The following SYN3 variants were observed in gnomAD, a reference collection of about 807,000 sequenced individuals.
The protein encoded by SYN3 is synapsin-3.
In SYN3, 35 loss-of-function variants were observed where a neutral mutation model predicts 65.8. The ratio of observed to expected loss-of-function variants is 0.53; its 90% CI spans 0.41 to 0.70. The LOEUF (loss-of-function observed/expected upper bound fraction) is 0.70. Among genes scored for constraint, SYN3 ranks in the 30% least tolerant of loss-of-function variants. The probability of loss-of-function intolerance (pLI) is 0.00; values close to 1 mark genes in which losing one functional copy is unlikely to be tolerated. For synonymous variants in SYN3, 270 were observed against 292.9 expected (o/e 0.92, Z 0.80); for missense variants, 680 against 749.0 (o/e 0.91, Z 1.08).
chr22:32,971,253 G>A (rs966104532), intron 3 of SYN3, among the ~76,000 whole-genome samples: 1 of 152,286 alleles, frequency 6.6e-6, no homozygotes, highest in African/African-American at 2.4e-5. Flanking sequence ...CTTCTCTAAT[G>A]AGTTATGTTT....
intron 3 of SYN3, among the ~76,000 whole-genome samples, chr22:32,948,455 G>A (rs1307457217): frequency 1.3e-5 from 2 of 152,118 alleles, no homozygotes; most frequent in East Asian, 1.9e-4. Flanking sequence ...AATCTCTTTG[G>A]GCCAGGCGCG....
At chr22:32,943,118 A>G (rs1451897415) in intron 3 of SYN3, among the ~76,000 whole-genome samples, 1 of 152,212 alleles carries the variant, frequency 6.6e-6, no homozygotes, top group Non-Finnish European at 1.5e-5. Flanking sequence ...ACTCCTCGAG[A>G]AGAGCAACTC....
At chr22:33,020,546 T>G (rs1340066873) in intron 1 of SYN3, among the ~76,000 whole-genome samples, 1 of 152,194 alleles carries the variant, frequency 6.6e-6, no homozygotes. Flanking sequence ...GAAAGCAATC[T>G]TTTTGCTCAG....
chr22:32,530,251 C>A (rs1288270530), intron 10 of SYN3: 2 of 152,186 alleles, frequency 1.3e-5, no homozygotes, highest in Non-Finnish European at 2.9e-5. Context: ...TAAGAAGCGC[C>A]GTATTTTATG....
intron 7 of SYN3, among the ~76,000 whole-genome samples, chr22:32,554,380 T>C (rs2058460834): frequency 6.6e-6 from 1 of 152,204 alleles, no homozygotes; most frequent in Non-Finnish European, 1.5e-5. Flanking sequence ...TGGTTTATTA[T>C]CATTTTTGTT....
intron 7 of SYN3, among the ~76,000 whole-genome samples, chr22:32,547,738 G>A (rs371223477): frequency 1.3e-5 from 2 of 152,202 alleles, no homozygotes; most frequent in African/African-American, 4.8e-5. Context: ...TGGCTCAGAG[G>A]TCTCCTGTTC....
chr22:32,921,978 T>C (rs1480165902), intron 4 of SYN3, among the ~76,000 whole-genome samples: 1 of 152,152 alleles, frequency 6.6e-6, no homozygotes, highest in Admixed American at 6.5e-5. Context: ...ATACTGGCTG[T>C]CTACATTATT....
chr22:32,963,707 T>C (rs2051732607), intron 3 of SYN3, among the ~76,000 whole-genome samples: 1 of 152,010 alleles, frequency 6.6e-6, no homozygotes, highest in Non-Finnish European at 1.5e-5. Context: ...AGAGAGGTGG[T>C]GAGAAAACGA....
intron 12 of SYN3, among the ~76,000 whole-genome samples, chr22:32,525,097 C>T (rs575640186): frequency 2.0e-3 from 300 of 151,394 alleles, no homozygotes; most frequent in Non-Finnish European, 2.0e-3. Context: ...AATTGAAAAC[C>T]TTCTGGAAAT....
At chr22:32,753,170 A>C (rs572109876) in intron 6 of SYN3, among the ~76,000 whole-genome samples, 1 of 152,248 alleles carries the variant, frequency 6.6e-6, no homozygotes, top group East Asian at 1.9e-4. Context: ...CTTTCCCCCC[A>C]GAAAACCAAA....
intron 6 of SYN3, among the ~76,000 whole-genome samples, chr22:32,731,216 C>A (rs2061266463): frequency 6.6e-6 from 1 of 152,088 alleles, no homozygotes; most frequent in South Asian, 2.1e-4. Flanking sequence ...GGGAAAGAGT[C>A]TTGGGTTGAG....
intron 2 of SYN3, among the ~76,000 whole-genome samples, chr22:33,003,053 C>G (rs2053105918): frequency 6.6e-6 from 1 of 152,192 alleles, no homozygotes; most frequent in African/African-American, 2.4e-5. Flanking sequence ...TCCTGCCACC[C>G]TGTGAAGAGG....
intron 3 of SYN3, among the ~76,000 whole-genome samples, chr22:32,979,719 A>G (rs241730): frequency 0.45 from 67,759 of 151,986 alleles, 15,341 homozygotes; most frequent in African/African-American, 0.52. Flanking sequence ...GGTACTGTTC[A>G]AGCACTTTTC....
intron 6 of SYN3, among the ~76,000 whole-genome samples, chr22:32,649,806 C>T (rs1044841764): frequency 5.9e-5 from 9 of 152,128 alleles, no homozygotes; most frequent in South Asian, 2.1e-4. Flanking sequence ...AGGGACAGGG[C>T]GGTAACATTA....
intron 6 of SYN3, among the ~76,000 whole-genome samples, chr22:32,612,122 G>A (rs1266896143): frequency 6.6e-6 from 1 of 152,150 alleles, no homozygotes; most frequent in African/African-American, 2.4e-5. Context: ...TTTGCCCTAT[G>A]TTCCTCTTCA....
chr22:32,937,774 G>A (rs1189969875), intron 3 of SYN3, among the ~76,000 whole-genome samples: 1 of 152,030 alleles, frequency 6.6e-6, no homozygotes, highest in African/African-American at 2.4e-5. Flanking sequence ...TGAAAAAAAT[G>A]CTAGTGAACT....
chr22:32,695,231 C>T (rs2060719474), intron 6 of SYN3, among the ~76,000 whole-genome samples: 1 of 152,048 alleles, frequency 6.6e-6, no homozygotes, highest in Non-Finnish European at 1.5e-5. Flanking sequence ...TATTATTTCT[C>T]CTTTTCTTTC....
At chr22:32,994,387 G>A (rs1341855353) in intron 2 of SYN3, among the ~76,000 whole-genome samples, 1 of 152,090 alleles carries the variant, frequency 6.6e-6, no homozygotes, top group Non-Finnish European at 1.5e-5. Context: ...AGGTGGTGTT[G>A]GGTGGTGTGT....
At chr22:32,667,951 G>T (rs963339918) in intron 6 of SYN3, among the ~76,000 whole-genome samples, 2 of 151,974 alleles carry the variant, frequency 1.3e-5, no homozygotes, top group Non-Finnish European at 1.5e-5. Flanking sequence ...CTACCACCGT[G>T]CCCAGCTAAT....
Sources: allele counts gnomAD v4.1 joint callset (sites outside exome capture counted in the v4.1 genomes callset), GRCh38; gene constraint gnomAD v4.1.1; transcripts MANE v1.5; gene names NCBI Gene and HGNC (gene_info 2026-07-23, HGNC 2026-07-21).